The following EYA4 variants were observed in gnomAD, a reference collection of about 807,000 sequenced individuals.
The protein encoded by EYA4 is protein phosphatase EYA4.
A neutral mutation model predicts 87.9 loss-of-function variants in EYA4; 31 were observed. The ratio of observed to expected loss-of-function variants is 0.35; its 90% confidence interval spans 0.27 to 0.48. The LOEUF is 0.48. Among genes scored for constraint, EYA4 ranks in the 20% least tolerant of loss-of-function variants. EYA4 has a pLI of 0.99. For missense variants in EYA4, 678 were observed against 761.4 expected (o/e 0.89, Z 1.29); for synonymous variants, 263 against 270.6 (o/e 0.97, Z 0.28).
intron 1 of EYA4, among the ~76,000 whole-genome samples, chr6:133,255,652 A>ATTTAT (rs1775281222): frequency 6.6e-6 from 1 of 151,902 alleles, no homozygotes; most frequent in African/African-American, 2.4e-5. Flanking sequence ...TGAGGATGTA[A>ATTTAT]TTTATTTTCA....
intron 2 of EYA4, among the ~76,000 whole-genome samples, chr6:133,361,461 TGGAA>T (rs1317031025): frequency 5.5e-4 from 84 of 152,318 alleles, no homozygotes; most frequent in Non-Finnish European, 8.8e-4. Flanking sequence ...CTTCCTTTAT[TGGAA>T]GTAATAAGTC....
At chr6:133,279,134 C>T (rs2145348) in intron 2 of EYA4, among the ~76,000 whole-genome samples, 41,613 of 151,838 alleles carry the variant, frequency 0.27, 6,360 homozygotes, top group East Asian at 0.49. Flanking sequence ...GAGATGGAGT[C>T]TGGCCTAAAT....
chr6:133,356,307 T>C (rs1784028567), intron 2 of EYA4, among the ~76,000 whole-genome samples: 1 of 152,168 alleles, frequency 6.6e-6, no homozygotes, highest in South Asian at 2.1e-4. Flanking sequence ...AACATTAAAG[T>C]CAAGAGTTAT....
intron 2 of EYA4, among the ~76,000 whole-genome samples, chr6:133,380,860 T>TTCC (rs370054944): frequency 2.0e-5 from 3 of 148,472 alleles, no homozygotes; most frequent in Non-Finnish European, 3.0e-5. Context: ...CTTGTTCCTC[T>TTCC]TCCTCCTCCT....
At chr6:133,356,773 G>A (rs1784071561) in intron 2 of EYA4, among the ~76,000 whole-genome samples, 1 of 144,892 alleles carries the variant, frequency 6.9e-6, no homozygotes, top group South Asian at 2.2e-4. Context: ...GTGTGTGTGT[G>A]TGTGTGTGTG....
intron 13 of EYA4, among the ~76,000 whole-genome samples, chr6:133,483,820 C>T (rs1301926687): frequency 6.6e-6 from 1 of 151,600 alleles, no homozygotes; most frequent in African/African-American, 2.4e-5. Flanking sequence ...GCTTCCCGTG[C>T]TCAAATGATC....
chr6:133,420,418 A>G (rs369337654), intron 3 of EYA4, among the ~76,000 whole-genome samples: 5 of 152,232 alleles, frequency 3.3e-5, no homozygotes, highest in Admixed American at 1.3e-4. Flanking sequence ...ATCGTCTCAA[A>G]CATACATTAT....
chr6:133,473,412 GA>G (rs1181749805), intron 11 of EYA4, among the ~76,000 whole-genome samples: 1 of 152,048 alleles, frequency 6.6e-6, no homozygotes, highest in Non-Finnish European at 1.5e-5. Flanking sequence ...GTGAGAAAGG[GA>G]AAATGGTAGG....
chr6:133,294,073 T>C (rs1778751255), intron 2 of EYA4, among the ~76,000 whole-genome samples: 1 of 93,136 alleles, frequency 1.1e-5, no homozygotes, highest in African/African-American at 4.4e-5. Flanking sequence ...AATTCTATTC[T>C]ATATATAACA....
At chr6:133,476,052 G>A (rs1259399261) in intron 11 of EYA4, among the ~76,000 whole-genome samples, 1 of 151,976 alleles carries the variant, frequency 6.6e-6, no homozygotes, top group African/African-American at 2.4e-5. Context: ...TATATATATT[G>A]GTGCAGTGAT....
In EYA4 at chr6:133,273,097, G is replaced by GTATATATATATATATATATAAA. The variant is rs1554213948; in HGVS notation, c.-65-1618_-65-1597dup. ...CAGAACTAATAGGAGATATATATAT[G>GTATATATATATATATATATAAA]TATATATATATATATATATAAAGGG... On this transcript the variant is annotated intron_variant, in intron 1 of 19. Coordinates refer to ENST00000355286, the MANE Select transcript of EYA4 (RefSeq NM_004100.5). Among the ~76,000 whole-genome samples, 267 of 106,634 alleles carry GTATATATATATATATATATAAA rather than the reference G, an allele frequency of 2.5e-3. 5 individuals carry two copies. The highest frequency in any genetic ancestry group is 5.2e-3 in the Admixed American group (46 of 8,810). 70.0% of individuals were successfully genotyped at this position (106,634 alleles called of 152,430 possible). A position where few individuals can be genotyped will look rare whatever the true frequency, so the allele number is the denominator to read the frequency against.
chr6:133,402,162 C>T (rs1315952430), intron 3 of EYA4, among the ~76,000 whole-genome samples: 1 of 151,926 alleles, frequency 6.6e-6, no homozygotes, highest in African/African-American at 2.4e-5. Context: ...GGGACACAGA[C>T]ACACACACAC....
intron 2 of EYA4, among the ~76,000 whole-genome samples, chr6:133,313,379 T>G (rs1179458139): frequency 6.6e-6 from 1 of 152,218 alleles, no homozygotes; most frequent in African/African-American, 2.4e-5. Flanking sequence ...ATTGAGTATC[T>G]AGCCACATGA....
At chr6:133,504,535 T>TA (rs1364838801) in intron 13 of EYA4, among the ~76,000 whole-genome samples, 1 of 152,210 alleles carries the variant, frequency 6.6e-6, no homozygotes, top group Non-Finnish European at 1.5e-5. Context: ...CACATCGTCT[T>TA]AGTTTAGCTC....
intron 2 of EYA4, among the ~76,000 whole-genome samples, chr6:133,309,723 G>A (rs1780073124): frequency 6.6e-6 from 1 of 152,190 alleles, no homozygotes. Context: ...TGGTTTGAAA[G>A]TTGTGGATCT....
chr6:133,433,032 A>G (rs988052998), intron 3 of EYA4, among the ~76,000 whole-genome samples: 1 of 152,216 alleles, frequency 6.6e-6, no homozygotes, highest in African/African-American at 2.4e-5. Context: ...CCATATTGTT[A>G]TCTAATAAAA....
intron 17 of EYA4, 91 bp from the exon 18 acceptor site, chr6:133,522,965 A>T: frequency 9.0e-7 from 1 of 1,115,798 alleles, no homozygotes; most frequent in Non-Finnish European, 1.3e-6. Context: ...ACCATTAATT[A>T]AGGAATTTAG....
At chr6:133,519,689 C>CA (rs200521021) in intron 17 of EYA4, among the ~76,000 whole-genome samples, 20,069 of 146,176 alleles carry the variant, frequency 0.14, 1,454 homozygotes, top group Middle Eastern at 0.19. Flanking sequence ...AGAGACACAA[C>CA]AAAAAAAGAG....
chr6:133,385,530 C>T (rs913861375), intron 3 of EYA4, among the ~76,000 whole-genome samples: 2 of 151,500 alleles, frequency 1.3e-5, no homozygotes, highest in Non-Finnish European at 2.9e-5. Flanking sequence ...GAATTGAACT[C>T]AAAGTGAAAT....
Sources: allele counts gnomAD v4.1 joint callset (sites outside exome capture counted in the v4.1 genomes callset), GRCh38; gene constraint gnomAD v4.1.1; transcripts MANE v1.5; gene names NCBI Gene and HGNC (gene_info 2026-07-23, HGNC 2026-07-21).